The following RAPGEF5 variants were observed in gnomAD, a reference collection of about 807,000 sequenced individuals.
RAPGEF5 encodes the protein M-Ras-regulated GEF.
A neutral mutation model predicts 125.2 loss-of-function variants in RAPGEF5; 65 were observed. That is an observed-to-expected ratio of 0.52 (90% confidence interval 0.43 to 0.64). The LOEUF (loss-of-function observed/expected upper bound fraction) is 0.64. Among genes scored for constraint, RAPGEF5 ranks in the 30% least tolerant of loss-of-function variants. The probability of loss-of-function intolerance (pLI) is 0.00; values close to 1 mark genes in which losing one functional copy is unlikely to be tolerated. For synonymous variants in RAPGEF5, 391 were observed against 385.9 expected (o/e 1.01, Z -0.16); for missense variants, 958 against 1,048.1 (o/e 0.91, Z 1.19).
chr7:22,256,244 A>G (rs1786757336), intron 7 of RAPGEF5, among the ~76,000 whole-genome samples: 1 of 152,202 alleles, frequency 6.6e-6, no homozygotes, highest in Admixed American at 6.5e-5. Context: ...CCTCGCTGAG[A>G]CTGTTAAACT....
chr7:22,156,774 G>A (rs41273948), intron 16 of RAPGEF5, 36 bp downstream of exon 16: 37,664 of 1,611,242 alleles, frequency 0.023, 559 homozygotes, highest in Middle Eastern at 0.057. Context: ...GCTAACTGCT[G>A]CCCACCCCCA....
intron 11 of RAPGEF5, among the ~76,000 whole-genome samples, chr7:22,169,075 C>T (rs991773596): frequency 3.3e-5 from 5 of 152,130 alleles, no homozygotes; most frequent in Non-Finnish European, 7.4e-5. Flanking sequence ...ATGGCAAAAG[C>T]GAATTCCTAA....
chr7:22,167,991 C>G (rs377576081), intron 11 of RAPGEF5, among the ~76,000 whole-genome samples: 1 of 152,184 alleles, frequency 6.6e-6, no homozygotes, highest in African/African-American at 2.4e-5. Context: ...GTCTCCTTAA[C>G]TTAAAATTCA....
chr7:22,290,411 T>C (rs1238906081), intron 6 of RAPGEF5, among the ~76,000 whole-genome samples: 2 of 152,166 alleles, frequency 1.3e-5, no homozygotes, highest in African/African-American at 4.8e-5. Context: ...GCCATGAACT[T>C]TACTTCAACC....
At chr7:22,139,827 T>C in intron 21 of RAPGEF5, 198 bp downstream of exon 21, 1 of 494,202 alleles carries the variant, frequency 2.0e-6, no homozygotes, top group Admixed American at 3.3e-5. Context: ...TAATTCTAGC[T>C]GGGGAGCACG....
At chr7:22,332,966 T>C (rs1189039836) in intron 1 of RAPGEF5, among the ~76,000 whole-genome samples, 1 of 152,228 alleles carries the variant, frequency 6.6e-6, no homozygotes, top group Non-Finnish European at 1.5e-5. Flanking sequence ...GTATATTTTA[T>C]ATGGTTACCC....
intron 20 of RAPGEF5, among the ~76,000 whole-genome samples, chr7:22,143,708 C>T (rs138703265): frequency 1.3e-4 from 20 of 152,340 alleles, no homozygotes; most frequent in African/African-American, 4.8e-4. Flanking sequence ...CCTTCACCAA[C>T]GTTTTCCTGA....
intron 5 of RAPGEF5, among the ~76,000 whole-genome samples, chr7:22,305,153 C>T (rs542743361): frequency 1.4e-4 from 21 of 152,282 alleles, no homozygotes; most frequent in African/African-American, 3.4e-4. Flanking sequence ...TGACCTTGGA[C>T]GGGTTACCCG....
intron 7 of RAPGEF5, among the ~76,000 whole-genome samples, chr7:22,266,138 G>C (rs530332444): frequency 6.6e-6 from 1 of 152,276 alleles, no homozygotes; most frequent in South Asian, 2.1e-4. Context: ...AGTTTGTGTT[G>C]CTGAGACATT....
chr7:22,141,556 T>C (rs780156671), intron 20 of RAPGEF5, among the ~76,000 whole-genome samples: 1 of 152,178 alleles, frequency 6.6e-6, no homozygotes, highest in Non-Finnish European at 1.5e-5. Context: ...CAGCTACACA[T>C]GGCTCCAAGC....
At chr7:22,161,088 A>G (rs1017963799) in intron 13 of RAPGEF5, among the ~76,000 whole-genome samples, 4 of 151,374 alleles carry the variant, frequency 2.6e-5, no homozygotes, top group African/African-American at 7.3e-5. Context: ...GGCGCCTGTA[A>G]TCCCCAGCTA....
At chr7:22,222,785 T>C (rs1371205472) in intron 8 of RAPGEF5, among the ~76,000 whole-genome samples, 1 of 152,156 alleles carries the variant, frequency 6.6e-6, no homozygotes, top group African/African-American at 2.4e-5. Flanking sequence ...CTGGGGGAAG[T>C]AGTTGATGGT....
At chr7:22,133,967 C>A (rs942456579) in intron 23 of RAPGEF5, among the ~76,000 whole-genome samples, 24 of 152,236 alleles carry the variant, frequency 1.6e-4, no homozygotes, top group African/African-American at 5.5e-4. Context: ...TATGGGGGGC[C>A]TAATCCTTCT....
chr7:22,195,301 C>A (rs998547774), intron 9 of RAPGEF5, among the ~76,000 whole-genome samples: 10 of 152,162 alleles, frequency 6.6e-5, no homozygotes, highest in Non-Finnish European at 1.3e-4. Flanking sequence ...TAATCTTGCC[C>A]TAATTGCCAG....
intron 1 of RAPGEF5, chr7:22,356,166 A>G: frequency 2.0e-6 from 2 of 985,350 alleles, no homozygotes; most frequent in Non-Finnish European, 1.2e-6. Context: ...TTAGAACTCA[A>G]TGAGGGACAC....
At chr7:22,241,693 A>G (rs1337385959) in intron 7 of RAPGEF5, among the ~76,000 whole-genome samples, 1 of 152,176 alleles carries the variant, frequency 6.6e-6, no homozygotes, top group Non-Finnish European at 1.5e-5. Flanking sequence ...ACTTTATATT[A>G]TTATACAAAA....
At chr7:22,209,816 A>T (rs1375846416) in intron 9 of RAPGEF5, among the ~76,000 whole-genome samples, 1 of 152,208 alleles carries the variant, frequency 6.6e-6, no homozygotes, top group Non-Finnish European at 1.5e-5. Flanking sequence ...AGATAAAAGC[A>T]CAAAGCCTGA....
At chr7:22,210,484 C>CT (rs1175920479) in intron 9 of RAPGEF5, among the ~76,000 whole-genome samples, 1 of 152,204 alleles carries the variant, frequency 6.6e-6, no homozygotes, top group African/African-American at 2.4e-5. Context: ...ACTCGCACCT[C>CT]TGAGGTCACC....
intron 5 of RAPGEF5, among the ~76,000 whole-genome samples, chr7:22,292,953 C>T (rs527344845): frequency 5.3e-5 from 8 of 152,366 alleles, no homozygotes; most frequent in South Asian, 2.1e-4. Flanking sequence ...TGGTAACTAA[C>T]GGTTGAGCTG....
Sources: allele counts gnomAD v4.1 joint callset (sites outside exome capture counted in the v4.1 genomes callset), GRCh38; gene constraint gnomAD v4.1.1; transcripts MANE v1.5; gene names NCBI Gene and HGNC (gene_info 2026-07-23, HGNC 2026-07-21).